Variants in MKLN1 observed in about 807,000 individuals in gnomAD.
The protein encoded by MKLN1 is muskelin.
In MKLN1, 18 loss-of-function variants were observed where a neutral mutation model predicts 99.0. The observed-to-expected ratio is 0.18, with a 90% CI of 0.13 to 0.27. The LOEUF (loss-of-function observed/expected upper bound fraction) is 0.27, where lower values mean the gene tolerates loss of function less well. Among genes scored for constraint, MKLN1 ranks in the 10% least tolerant of loss-of-function variants. The pLI, the probability that MKLN1 is intolerant of heterozygous loss-of-function variation, is 1.00. For missense variants in MKLN1, 621 were observed against 875.9 expected (o/e 0.71, Z 3.67); for synonymous variants, 288 against 293.2 (o/e 0.98, Z 0.18).
chr7:131,211,420 C>T (rs376599872), intron 3 of MKLN1, among the ~76,000 whole-genome samples: 15 of 152,262 alleles, frequency 9.9e-5, no homozygotes, highest in South Asian at 2.1e-4. Context: ...ACTGAGTCTG[C>T]AAAATTGCCT....
At chr7:131,121,864 C>T (rs1191106753) in intron 1 of MKLN1, among the ~76,000 whole-genome samples, 1 of 151,860 alleles carries the variant, frequency 6.6e-6, no homozygotes, top group Non-Finnish European at 1.5e-5. Flanking sequence ...TAGAAAGACT[C>T]AAAGAAAAGT....
chr7:131,197,285 C>G (rs1563249364), intron 2 of MKLN1, among the ~76,000 whole-genome samples: 1 of 151,926 alleles, frequency 6.6e-6, no homozygotes, highest in East Asian at 1.9e-4. Context: ...CTCTCTGCAG[C>G]CTTGACCTCT....
At chr7:131,252,464 G>A (rs1002784709) in intron 3 of MKLN1, among the ~76,000 whole-genome samples, 4 of 151,512 alleles carry the variant, frequency 2.6e-5, no homozygotes, top group Admixed American at 6.6e-5. Flanking sequence ...GAGTAGCTGG[G>A]ACTACAGGTG....
intron 3 of MKLN1, among the ~76,000 whole-genome samples, chr7:131,228,877 C>T (rs906465224): frequency 3.3e-5 from 5 of 152,084 alleles, no homozygotes; most frequent in African/African-American, 9.7e-5. Flanking sequence ...ACTTGTTCAC[C>T]GAAAATCCAA....
At chr7:131,387,667 G>A (rs1055411214) in intron 3 of MKLN1, among the ~76,000 whole-genome samples, 8 of 152,176 alleles carry the variant, frequency 5.3e-5, no homozygotes, top group Non-Finnish European at 8.8e-5. Context: ...GTGGTTTACT[G>A]TAAGTTGGAG....
At chr7:131,200,622 T>C (rs1242552197) in intron 2 of MKLN1, among the ~76,000 whole-genome samples, 2 of 152,224 alleles carry the variant, frequency 1.3e-5, no homozygotes, top group Non-Finnish European at 2.9e-5. Flanking sequence ...ATTTCCTTGG[T>C]AACCATTATA....
Position 131,494,071 on chromosome 7 carries a change from G to A in MKLN1, c.*6343G>A, listed in dbSNP as rs1282817088. On this transcript the variant is annotated 3_prime_UTR_variant, in exon 18 of 18. Transcript: ENST00000352689. ...TTTTATTTTCTAGCCCTTTAACATAGGAGGAAAATTGTCATTTCATGTATA... is the reference window on the plus strand; with the variant it reads ...TTTTATTTTCTAGCCCTTTAACATAAGAGGAAAATTGTCATTTCATGTATA... 6.6e-6 allele frequency: 1 copy of A among 152,132 alleles called. No individual in the cohort carries two copies. The highest frequency in any genetic ancestry group is 6.5e-5 in the Admixed American group (1 of 15,278). The allele number at this position is 152,132 out of a possible 1,614,324, so 9.4% of individuals were successfully genotyped here. A position where few individuals can be genotyped will look rare whatever the true frequency, so the allele number is the denominator to read the frequency against.
intron 2 of MKLN1, among the ~76,000 whole-genome samples, chr7:131,159,525 A>T (rs1367350769): frequency 6.6e-6 from 1 of 152,102 alleles, no homozygotes; most frequent in African/African-American, 2.4e-5. Flanking sequence ...TGTGGATCTC[A>T]TGGAGGTGGA....
intron 1 of MKLN1, among the ~76,000 whole-genome samples, chr7:131,364,589 A>G (rs1024784896): frequency 2.0e-5 from 3 of 151,960 alleles, no homozygotes; most frequent in Admixed American, 2.0e-4. Context: ...CCTAGTACCC[A>G]GTAGTGATCT....
chr7:131,265,143 T>C (rs12534288), intron 3 of MKLN1, among the ~76,000 whole-genome samples: 23,751 of 152,088 alleles, frequency 0.16, 2,179 homozygotes, highest in South Asian at 0.37. Context: ...CCTGTCCTGT[T>C]CTGTAATTTT....
chr7:131,397,410 C>G, intron 5 of MKLN1, 34 bp downstream of exon 5: 1 of 1,085,762 alleles, frequency 9.2e-7, no homozygotes, highest in Non-Finnish European at 1.4e-6. Context: ...ACTTTAATGC[C>G]TATAAAAGGA....
chr7:131,233,066 A>G (rs28515559), intron 3 of MKLN1, among the ~76,000 whole-genome samples: 14,822 of 152,066 alleles, frequency 0.097, 823 homozygotes, highest in African/African-American at 0.14. Flanking sequence ...TAGACCGGGC[A>G]TGGTGGCTCT....
intron 2 of MKLN1, among the ~76,000 whole-genome samples, chr7:131,382,451 T>G (rs185152367): frequency 3.7e-4 from 57 of 152,356 alleles, no homozygotes; most frequent in Admixed American, 1.1e-3. Context: ...TACCATTTTT[T>G]GTATGCTTGT....
chr7:131,401,567 TC>T (rs1294728130), intron 6 of MKLN1, among the ~76,000 whole-genome samples: 1 of 152,196 alleles, frequency 6.6e-6, no homozygotes, highest in African/African-American at 2.4e-5. Flanking sequence ...CCTTTGTCTT[TC>T]CCTGCTTCTT....
chr7:131,299,908 T>A (rs2116616945), intron 3 of MKLN1, among the ~76,000 whole-genome samples: 1 of 152,270 alleles, frequency 6.6e-6, no homozygotes, highest in East Asian at 1.9e-4. Flanking sequence ...GTCTTTTGTT[T>A]CCAAAGTCAA....
At chr7:131,283,923 A>C (rs755824038) in intron 3 of MKLN1, among the ~76,000 whole-genome samples, 2 of 152,166 alleles carry the variant, frequency 1.3e-5, no homozygotes, top group African/African-American at 2.4e-5. Context: ...TTGGAGATTT[A>C]TCTGTGGTAC....
rs188736495 is a variant in MKLN1 at position 131,280,985 on chromosome 7, T to G, written c.-179+78011T>G. Among the ~76,000 whole-genome samples, 275 of 152,346 alleles carry G rather than the reference T, an allele frequency of 1.8e-3. 6 individuals carry two copies. Among genetic ancestry groups the G allele is most frequent in the East Asian group, 1.9e-3 (10 of 5,188 alleles). On this transcript the variant is annotated intron_variant, in intron 3 of 7. Coordinates refer to the MKLN1 transcript ENST00000416992. ...CATGATTTGCAAAGATTTTTTCCTG[T>G]CCTGTGGACTGTCTTTTCACTTTCT...
chr7:131,272,179 C>T (rs1335186707), intron 3 of MKLN1, among the ~76,000 whole-genome samples: 1 of 152,110 alleles, frequency 6.6e-6, no homozygotes, highest in Non-Finnish European at 1.5e-5. Context: ...ATAGAAGGAC[C>T]CTGGGTGGAA....
chr7:131,427,593 C>T (rs574386628), intron 8 of MKLN1, among the ~76,000 whole-genome samples: 2 of 152,124 alleles, frequency 1.3e-5, no homozygotes, highest in East Asian at 1.9e-4. Context: ...CACACTGTCA[C>T]CCCAGGCTGG....
Sources: gnomAD v4.1 joint callset for allele counts (sites outside exome capture counted in the v4.1 genomes callset) on GRCh38, gnomAD v4.1.1 for gene constraint, MANE v1.5 for transcripts, NCBI Gene and HGNC (gene_info 2026-07-23, HGNC 2026-07-21) for gene names.